Variants in GRIP1 observed in about 807,000 individuals in gnomAD.
GRIP1 encodes the protein glutamate receptor interacting protein 1, also known as glutamate receptor-interacting protein 1.
GRIP1 carries 45 observed loss-of-function variants against 129.9 expected under a neutral mutation model. The observed-to-expected ratio is 0.35, with a 90% CI of 0.27 to 0.44. The LOEUF is 0.44. Ranked by LOEUF, GRIP1 falls within the 20% of genes least tolerant of loss-of-function variation. The pLI is 1.00. For missense variants in GRIP1, 1,196 were observed against 1,396.8 expected (o/e 0.86, Z 2.29); for synonymous variants, 530 against 520.8 (o/e 1.02, Z -0.24).
intron 1 of GRIP1, among the ~76,000 whole-genome samples, chr12:66,796,442 C>T (rs1280642532): frequency 6.6e-6 from 1 of 152,050 alleles, no homozygotes; most frequent in African/African-American, 2.4e-5. Context: ...CTTTATGCCC[C>T]AGCCTCCTAT....
chr12:66,630,030 C>T (rs548398811), intron 1 of GRIP1, among the ~76,000 whole-genome samples: 8 of 145,138 alleles, frequency 5.5e-5, no homozygotes, highest in Admixed American at 1.4e-4. Context: ...ATCCAAGGCT[C>T]TTTCTACTAG....
intron 7 of GRIP1, among the ~76,000 whole-genome samples, chr12:66,480,819 C>A (rs1447207358): frequency 6.6e-6 from 1 of 152,144 alleles, no homozygotes; most frequent in East Asian, 1.9e-4. Flanking sequence ...GGAAAGTATT[C>A]CCTATTTAAT....
chr12:66,545,669 G>C (rs1051418298), intron 2 of GRIP1, among the ~76,000 whole-genome samples: 11 of 152,178 alleles, frequency 7.2e-5, no homozygotes, highest in Admixed American at 5.9e-4. Flanking sequence ...GACAGTGTTT[G>C]AGGCATTGGA....
intron 2 of GRIP1, among the ~76,000 whole-genome samples, chr12:66,565,516 G>A (rs1378840555): frequency 6.6e-6 from 1 of 152,120 alleles, no homozygotes; most frequent in Admixed American, 6.5e-5. Flanking sequence ...ATGCTGTTTT[G>A]GTTACTGTAG....
chr12:66,631,443 G>A lies in GRIP1; in HGVS notation c.56-34516C>T, dbSNP rs894624486. On this transcript the variant is annotated intron_variant, in intron 1 of 24. Coordinates refer to ENST00000359742, the MANE Select transcript of GRIP1 (RefSeq NM_001366722.1). ...TGCTCTGATAAAAGAGATCTTAAAG[G>A]TGATATTCAAATAGAACATGAAAAC... Among the ~76,000 whole-genome samples the A allele has an allele frequency of 2.6e-5, 4 of 152,024 alleles. No homozygotes were observed. The East Asian group carries it at 7.7e-4, about 29-fold the overall frequency.
chr12:66,569,898 G>C (rs557019402), intron 2 of GRIP1, among the ~76,000 whole-genome samples: 18 of 152,158 alleles, frequency 1.2e-4, no homozygotes, highest in African/African-American at 4.1e-4. Context: ...GTTTATTTCA[G>C]GTTCTACTCA....
chr12:67,032,659 C>A (rs2043040053), intron 1 of GRIP1, among the ~76,000 whole-genome samples: 1 of 152,152 alleles, frequency 6.6e-6, no homozygotes, highest in South Asian at 2.1e-4. Context: ...TAAATGCAGT[C>A]ACATGCTCAG....
chr12:67,015,113 CT>C (rs2042766098), intron 1 of GRIP1, among the ~76,000 whole-genome samples: 1 of 151,950 alleles, frequency 6.6e-6, no homozygotes, highest in African/African-American at 2.4e-5. Context: ...GTCCTATTAC[CT>C]GAGAGAGAAA....
At chr12:66,834,344 G>A (rs1449395339) in intron 1 of GRIP1, among the ~76,000 whole-genome samples, 1 of 152,018 alleles carries the variant, frequency 6.6e-6, no homozygotes, top group East Asian at 1.9e-4. Flanking sequence ...CCTTTATATT[G>A]TACTGCGTCT....
At chr12:66,586,811 T>C (rs1032848236) in intron 2 of GRIP1, among the ~76,000 whole-genome samples, 4 of 152,218 alleles carry the variant, frequency 2.6e-5, no homozygotes, top group Non-Finnish European at 5.9e-5. Flanking sequence ...TAAGCCATCA[T>C]CATTTCTTGC....
intron 19 of GRIP1, among the ~76,000 whole-genome samples, chr12:66,389,299 G>A (rs2056485403): frequency 6.6e-6 from 1 of 152,116 alleles, no homozygotes; most frequent in South Asian, 2.1e-4. Flanking sequence ...CATGATCTTG[G>A]CTCACTGCAA....
chr12:66,840,434 G>A (rs2039694726), intron 1 of GRIP1, among the ~76,000 whole-genome samples: 1 of 152,014 alleles, frequency 6.6e-6, no homozygotes, highest in Non-Finnish European at 1.5e-5. Flanking sequence ...CAACGTAAGA[G>A]GCAACTTTTA....
At chr12:66,801,183 T>C (rs2038846982) in intron 1 of GRIP1, among the ~76,000 whole-genome samples, 1 of 152,118 alleles carries the variant, frequency 6.6e-6, no homozygotes, top group Non-Finnish European at 1.5e-5. Context: ...TGTATCACAT[T>C]TTAAAAGACT....
intron 1 of GRIP1, among the ~76,000 whole-genome samples, chr12:67,042,905 T>C (rs2043200403): frequency 6.6e-6 from 1 of 152,218 alleles, no homozygotes; most frequent in South Asian, 2.1e-4. Context: ...ACATCTTCCA[T>C]GCAAGTTGCA....
At chr12:66,492,778 C>A (rs559442596) in intron 7 of GRIP1, among the ~76,000 whole-genome samples, 7 of 151,958 alleles carry the variant, frequency 4.6e-5, no homozygotes. Flanking sequence ...GGGAGGCCAA[C>A]GCGAGTGGAT....
At chr12:66,615,952 G>A (rs2065023224) in intron 1 of GRIP1, among the ~76,000 whole-genome samples, 1 of 152,096 alleles carries the variant, frequency 6.6e-6, no homozygotes, top group Non-Finnish European at 1.5e-5. Flanking sequence ...GCCTTAAATG[G>A]CAAACTTTGA....
At chr12:66,416,852 C>A (rs1385393693) in intron 15 of GRIP1, among the ~76,000 whole-genome samples, 1 of 151,964 alleles carries the variant, frequency 6.6e-6, no homozygotes, top group Non-Finnish European at 1.5e-5. Flanking sequence ...ATAAATCCTG[C>A]TAAAACTATT....
chr12:66,410,802 A>G (rs2057374168), intron 15 of GRIP1, among the ~76,000 whole-genome samples: 1 of 152,228 alleles, frequency 6.6e-6, no homozygotes, highest in Non-Finnish European at 1.5e-5. Flanking sequence ...ATAATAACAG[A>G]GAACTTCCCA....
intron 1 of GRIP1, among the ~76,000 whole-genome samples, chr12:66,723,279 CCTTCCTTTCTTT>C (rs1317475637): frequency 6.9e-5 from 1 of 14,420 alleles, no homozygotes; most frequent in African/African-American, 2.6e-4. Flanking sequence ...TTCCTTCCTT[CCTTCCTTTCTTT>C]CTTTCTTTCT....
Sources: gnomAD v4.1 joint callset for allele counts (sites outside exome capture counted in the v4.1 genomes callset) on GRCh38, gnomAD v4.1.1 for gene constraint, MANE v1.5 for transcripts, NCBI Gene and HGNC (gene_info 2026-07-23, HGNC 2026-07-21) for gene names.